Variants in RTN4 observed in about 807,000 individuals in gnomAD.
The protein encoded by RTN4 is reticulon-4.
In RTN4, 32 loss-of-function variants were observed where a neutral mutation model predicts 90.4. The observed-to-expected ratio is 0.35, with a 90% CI of 0.27 to 0.48. The LOEUF is 0.48. RTN4 is among the 20% of genes least tolerant of loss of function. The probability of loss-of-function intolerance (pLI) is 0.99; values close to 1 mark genes in which losing one functional copy is unlikely to be tolerated. For missense variants in RTN4, 1,706 were observed against 1,430.2 expected (o/e 1.19, Z -3.11); for synonymous variants, 629 against 552.5 (o/e 1.14, Z -1.94).
At chr2:54,987,054 G>T (rs1451841379) in intron 4 of RTN4, among the ~76,000 whole-genome samples, 1 of 151,908 alleles carries the variant, frequency 6.6e-6, no homozygotes, top group African/African-American at 2.4e-5. Flanking sequence ...TAAGAAACGA[G>T]AAGAAACTAG....
chr2:55,049,549 A>C, intron 1 of RTN4, 196 bp downstream of exon 1: 1 of 873,422 alleles, frequency 1.1e-6, no homozygotes, highest in South Asian at 1.5e-5. Flanking sequence ...ACGGACAATA[A>C]GAACAAACCC....
chr2:55,018,410 A>G (rs2104825678), intron 3 of RTN4, among the ~76,000 whole-genome samples: 1 of 152,326 alleles, frequency 6.6e-6, no homozygotes, highest in African/African-American at 2.4e-5. Flanking sequence ...GGACGCAGGA[A>G]AAAGAAAAAA....
At chr2:55,116,527 G>C (rs200321659), upstream of RTN4, among the ~76,000 whole-genome samples, 2 of 152,292 alleles carry the variant, frequency 1.3e-5, no homozygotes, top group East Asian at 3.9e-4. Flanking sequence ...GATTCCAGTA[G>C]CTGATACATT....
At chr2:54,992,077 G>A (rs1297869209) in intron 3 of RTN4, among the ~76,000 whole-genome samples, 1 of 152,154 alleles carries the variant, frequency 6.6e-6, no homozygotes, top group African/African-American at 2.4e-5. Flanking sequence ...GGTTATGCCT[G>A]TAATTCCAGC....
chr2:55,033,667 G>T (rs900415669), intron 1 of RTN4, among the ~76,000 whole-genome samples: 1 of 152,090 alleles, frequency 6.6e-6, no homozygotes, highest in Non-Finnish European at 1.5e-5. Context: ...TCTTCCTTCA[G>T]GCATAAATTA....
chr2:55,002,048 A>ATTTT (rs1679887444), intron 3 of RTN4, among the ~76,000 whole-genome samples: 3 of 145,244 alleles, frequency 2.1e-5, no homozygotes, highest in Admixed American at 1.4e-4. Context: ...ATCAAATCTT[A>ATTTT]TTTTATTTAT....
upstream of RTN4, chr2:55,050,569 ACT>A (rs570347647): frequency 8.6e-4 from 261 of 303,256 alleles, no homozygotes; most frequent in Non-Finnish European, 1.3e-3. This position sits in a 1 kb window ranked among gnomAD's most constrained non-coding sequence, Gnocchi z 4.6. Flanking sequence ...GTTTGGCGTG[ACT>A]CACCCTCCCC....
intron 1 of RTN4, among the ~76,000 whole-genome samples, chr2:55,034,648 A>G (rs1682553456): frequency 6.6e-6 from 1 of 152,342 alleles, no homozygotes. Context: ...CTGAGAGAAA[A>G]TGATATGAGA....
chr2:55,090,657 A>C (rs902240744), intron 1 of RTN4, among the ~76,000 whole-genome samples: 1 of 152,220 alleles, frequency 6.6e-6, no homozygotes, highest in African/African-American at 2.4e-5. Flanking sequence ...TCTAAAGGAC[A>C]AGGAGGACTA....
At chr2:55,054,749 C>A (rs149986630), upstream of RTN4, among the ~76,000 whole-genome samples, 1 of 152,084 alleles carries the variant, frequency 6.6e-6, no homozygotes, top group Non-Finnish European at 1.5e-5. Flanking sequence ...TGTTCAGGAG[C>A]GCCACTGAAT....
intron 3 of RTN4, among the ~76,000 whole-genome samples, chr2:55,016,429 A>G (rs778617215): frequency 1.3e-5 from 2 of 152,124 alleles, no homozygotes; most frequent in Non-Finnish European, 2.9e-5. Context: ...CTAAAAATAC[A>G]AAAATTAGCC....
intron 3 of RTN4, chr2:55,010,332 G>A: frequency 1.4e-6 from 2 of 1,382,954 alleles, no homozygotes; most frequent in Non-Finnish European, 1.9e-6. Context: ...CTGTAACTAG[G>A]CTACTAATAC....
intron 1 of RTN4, among the ~76,000 whole-genome samples, chr2:55,110,870 G>C (rs1420398500): frequency 6.6e-6 from 1 of 152,100 alleles, no homozygotes; most frequent in Non-Finnish European, 1.5e-5. Context: ...GCAAAACCCT[G>C]TCTCTACTAA....
At chr2:55,077,169 TG>T (rs1350046465) in intron 2 of RTN4, among the ~76,000 whole-genome samples, 1 of 151,984 alleles carries the variant, frequency 6.6e-6, no homozygotes, top group Non-Finnish European at 1.5e-5. Flanking sequence ...CCCACCATCA[TG>T]CCCTGCTAAT....
At chr2:55,091,833 A>G (rs2968799) in intron 1 of RTN4, among the ~76,000 whole-genome samples, 91,145 of 144,836 alleles carry the variant, frequency 0.63, 27,420 homozygotes, top group East Asian at 0.72. Context: ...CTTACATGGC[A>G]GCGGCAAGAG....
At chr2:55,098,359 A>C (rs760272462) in intron 1 of RTN4, among the ~76,000 whole-genome samples, 7 of 152,128 alleles carry the variant, frequency 4.6e-5, no homozygotes, top group Non-Finnish European at 7.3e-5. Flanking sequence ...TTAGGCACTT[A>C]ATTTTTAAAA....
chr2:54,982,836 C>G (rs1190326205), intron 4 of RTN4, among the ~76,000 whole-genome samples, 183 bp from the exon 5 acceptor site: 1 of 152,166 alleles, frequency 6.6e-6, no homozygotes, highest in African/African-American at 2.4e-5. Context: ...GCACTGTCTG[C>G]TGACTAGCAC....
chr2:55,091,624 T>C (rs975131175), intron 1 of RTN4, among the ~76,000 whole-genome samples: 1 of 152,144 alleles, frequency 6.6e-6, no homozygotes, highest in Non-Finnish European at 1.5e-5. Context: ...GCCCAGGAGT[T>C]TGGGACCTGC....
the RTN4 span, among the ~76,000 whole-genome samples, chr2:55,124,994 G>C: frequency 6.6e-6 from 1 of 152,122 alleles, no homozygotes; most frequent in Non-Finnish European, 1.5e-5. Context: ...ATGATGCTGG[G>C]ATAACTGGCT....
Sources: allele counts gnomAD v4.1 joint callset (sites outside exome capture counted in the v4.1 genomes callset), GRCh38; gene constraint gnomAD v4.1.1; non-coding constraint Gnocchi (gnomAD v3.1); transcripts MANE v1.5; gene names NCBI Gene and HGNC (gene_info 2026-07-23, HGNC 2026-07-21).